The following CAST variants were observed in gnomAD, a reference collection of about 807,000 sequenced individuals.
CAST encodes the protein MIR583 host.
A neutral mutation model predicts 119.6 loss-of-function variants in CAST; 76 were observed. The observed-to-expected ratio is 0.64, with a 90% confidence interval of 0.53 to 0.77. The LOEUF is 0.77. Ranked by LOEUF, CAST falls within the 30% of genes least tolerant of loss-of-function variation. The pLI, the probability that CAST is intolerant of heterozygous loss-of-function variation, is 0.00. For missense variants in CAST, 953 were observed against 946.5 expected (o/e 1.01, Z -0.09); for synonymous variants, 319 against 331.6 (o/e 0.96, Z 0.41).
the CAST span, among the ~76,000 whole-genome samples, chr5:96,153,264 T>C: frequency 2.6e-5 from 4 of 152,188 alleles, no homozygotes; most frequent in Non-Finnish European, 5.9e-5. Context: ...CTGCCCTAGA[T>C]TCCCACCTTG....
At chr5:96,718,859 G>A (rs898717709) in intron 3 of CAST, among the ~76,000 whole-genome samples, 1 of 152,078 alleles carries the variant, frequency 6.6e-6, no homozygotes, top group Non-Finnish European at 1.5e-5. Context: ...AGGGAAGGAA[G>A]GTCTGTCATG....
At chr5:96,520,438 C>T (rs1415183853), upstream of CAST, among the ~76,000 whole-genome samples, 2 of 152,210 alleles carry the variant, frequency 1.3e-5, no homozygotes, top group South Asian at 2.1e-4. Context: ...GGGGCCTCAA[C>T]TCATAATGTC....
the CAST span, among the ~76,000 whole-genome samples, chr5:96,037,105 C>T: frequency 6.6e-6 from 1 of 151,976 alleles, no homozygotes; most frequent in Admixed American, 6.6e-5. Flanking sequence ...GCTTCTTTCC[C>T]CACAATCCCC....
intron 20 of CAST, among the ~76,000 whole-genome samples, chr5:96,752,493 T>TCTTAATA (rs552499209): frequency 1.3e-5 from 2 of 151,086 alleles, no homozygotes; most frequent in Non-Finnish European, 2.9e-5. Flanking sequence ...GTGTTGCAAC[T>TCTTAATA]CTTAATACTT....
At chr5:96,148,657 A>C in the CAST span, among the ~76,000 whole-genome samples, 2 of 152,232 alleles carry the variant, frequency 1.3e-5, no homozygotes, top group Non-Finnish European at 2.9e-5. Flanking sequence ...TCTGAAGTTA[A>C]ATTTCTGGAA....
intron 1 of CAST, among the ~76,000 whole-genome samples, chr5:96,651,057 G>C (rs1408283849): frequency 6.6e-6 from 1 of 151,286 alleles, no homozygotes; most frequent in Admixed American, 6.6e-5. Context: ...GAACATTCTG[G>C]AGAAAAAAAA....
chr5:96,655,627 T>A (rs2150205721), intron 1 of CAST, among the ~76,000 whole-genome samples: 1 of 152,382 alleles, frequency 6.6e-6, no homozygotes, highest in South Asian at 2.1e-4. Context: ...ATACTTGCAA[T>A]GCATTTGCCT....
At chr5:96,516,180 A>G in the CAST span, among the ~76,000 whole-genome samples, 2 of 122,016 alleles carry the variant, frequency 1.6e-5, no homozygotes, top group Non-Finnish European at 3.6e-5. Context: ...GGGCAAAAAT[A>G]ATCATGTGCA....
the CAST span, among the ~76,000 whole-genome samples, chr5:96,148,109 G>T: frequency 1.3e-5 from 2 of 152,134 alleles, no homozygotes. Context: ...GGACTCTTTG[G>T]TCATGAGAAA....
the CAST span, among the ~76,000 whole-genome samples, chr5:96,008,821 G>A: frequency 0.011 from 1,614 of 152,196 alleles, 13 homozygotes; most frequent in Non-Finnish European, 0.018. Context: ...ATTATGTTTT[G>A]TTTTTTAAAA....
the CAST span, chr5:96,393,312 C>T: frequency 3.5e-5 from 57 of 1,613,946 alleles, no homozygotes; most frequent in Non-Finnish European, 4.2e-5. Context: ...CGGCCCCCTA[C>T]GCTGCTGCTG....
In CAST at chr5:96,754,085, T is replaced by C; in HGVS notation, c.1550T>C (p.Val517Ala). The C allele has an allele frequency of 6.2e-7, 1 of 1,613,576 alleles. No homozygotes were observed. The highest frequency in any genetic ancestry group is 8.5e-7 in the Non-Finnish European group (1 of 1,179,464). Residue 517 changes from valine (V) to alanine (A), a missense_variant, in exon 21 of 32, where the codon GTA becomes GCA. By Grantham distance (64) the Val-to-Ala change is moderately conservative. Coordinates refer to ENST00000675179, the MANE Select transcript of CAST (RefSeq NM_001750.7). ...AAGGGCACAGTGCCAGATGATGCTG[T>C]AGAAGCCTTGGCTGATAGCCTGGGG... is the stretch of plus-strand genomic sequence containing the variant. ...TLKGTVPDDA[V>A]EALADSLGKK...
the CAST span, among the ~76,000 whole-genome samples, chr5:96,372,287 C>A: frequency 6.6e-6 from 1 of 152,210 alleles, no homozygotes; most frequent in East Asian, 1.9e-4. Context: ...TTCCTGAGAA[C>A]TCTGTTCTTC....
the CAST span, among the ~76,000 whole-genome samples, chr5:96,134,724 T>C: frequency 2.0e-5 from 3 of 152,196 alleles, no homozygotes; most frequent in Admixed American, 6.5e-5. Context: ...TCTCACCCAG[T>C]CAATATTTAT....
the CAST span, among the ~76,000 whole-genome samples, chr5:95,986,508 G>T: frequency 6.6e-6 from 1 of 152,140 alleles, no homozygotes. Flanking sequence ...ACAAATGTAG[G>T]TTGCCTGTAC....
At chr5:96,527,649 A>C (rs1745617617), upstream of CAST, among the ~76,000 whole-genome samples, 1 of 152,370 alleles carries the variant, frequency 6.6e-6, no homozygotes, top group South Asian at 2.1e-4. Context: ...TGTAATAGTA[A>C]TAGCAACAAT....
At chr5:96,102,351 A>T in the CAST span, among the ~76,000 whole-genome samples, 3 of 152,236 alleles carry the variant, frequency 2.0e-5, no homozygotes, top group South Asian at 6.2e-4. Context: ...TCCGAAGTTA[A>T]GCCCTCTCTC....
intron 1 of CAST, among the ~76,000 whole-genome samples, chr5:96,556,100 G>A (rs544485135): frequency 6.6e-6 from 1 of 152,264 alleles, no homozygotes; most frequent in South Asian, 2.1e-4. Flanking sequence ...AGGCAAACAG[G>A]GTCTGGAGTG....
At chr5:96,193,490 T>G in the CAST span, among the ~76,000 whole-genome samples, 1 of 152,234 alleles carries the variant, frequency 6.6e-6, no homozygotes, top group Non-Finnish European at 1.5e-5. Context: ...GCAGCATTGA[T>G]GTTGTATTTA....
Sources: allele counts gnomAD v4.1 joint callset (sites outside exome capture counted in the v4.1 genomes callset), GRCh38; gene constraint gnomAD v4.1.1; transcripts MANE v1.5; gene names NCBI Gene and HGNC (gene_info 2026-07-23, HGNC 2026-07-21).